NCALD: variants seen among roughly 807,000 people sequenced by gnomAD.
The protein encoded by NCALD is neurocalcin delta.
In NCALD, 10 loss-of-function variants were observed where a neutral mutation model predicts 18.6. The ratio of observed to expected loss-of-function variants is 0.54; its 90% CI spans 0.33 to 0.91. The LOEUF is 0.91. Among genes scored for constraint, NCALD ranks in the 40% least tolerant of loss-of-function variants. NCALD has a pLI of 0.03. For synonymous variants in NCALD, 88 were observed against 87.4 expected (o/e 1.01, Z -0.04); for missense variants, 184 against 247.6 (o/e 0.74, Z 1.72).
intron 2 of NCALD, among the ~76,000 whole-genome samples, chr8:102,008,172 C>T (rs993856537): frequency 1.3e-5 from 2 of 152,112 alleles, no homozygotes; most frequent in Non-Finnish European, 1.5e-5. Context: ...GGCCATTATT[C>T]TAGTCACTGA....
intron 4 of NCALD, among the ~76,000 whole-genome samples, chr8:101,844,244 G>A (rs1289797726): frequency 6.6e-6 from 1 of 152,140 alleles, no homozygotes; most frequent in Non-Finnish European, 1.5e-5. Context: ...ACTTTCCCTT[G>A]AGTTCCGATG....
At chr8:102,104,972 G>A (rs184599331) in intron 1 of NCALD, among the ~76,000 whole-genome samples, 7 of 152,188 alleles carry the variant, frequency 4.6e-5, no homozygotes, top group Non-Finnish European at 7.3e-5. Context: ...ATTGTTCAGC[G>A]AACAGATAAG....
At chr8:101,897,509 A>G (rs1462974443) in intron 3 of NCALD, among the ~76,000 whole-genome samples, 1 of 149,982 alleles carries the variant, frequency 6.7e-6, no homozygotes, top group Non-Finnish European at 1.5e-5. Flanking sequence ...TAAAACTTAA[A>G]GTATAATAAA....
chr8:102,124,508 C>G (rs748521111), upstream of NCALD: 66 of 142,652 alleles, frequency 4.6e-4, 2 homozygotes, highest in East Asian at 3.7e-3. Flanking sequence ...CCCCCCCCTC[C>G]CCCGCTTGCC....
chr8:101,765,461 T>C (rs1292351668), intron 1 of NCALD, among the ~76,000 whole-genome samples: 1 of 152,164 alleles, frequency 6.6e-6, no homozygotes, highest in East Asian at 1.9e-4. Context: ...AAACATCAGA[T>C]TAAACCAAGA....
intron 1 of NCALD, among the ~76,000 whole-genome samples, chr8:102,063,070 T>A (rs1403888360): frequency 6.6e-6 from 1 of 152,206 alleles, no homozygotes; most frequent in Non-Finnish European, 1.5e-5. Context: ...TGTAGTCTCA[T>A]ACCACTATAA....
intron 1 of NCALD, among the ~76,000 whole-genome samples, chr8:101,747,011 T>C (rs1267206887): frequency 6.6e-6 from 1 of 152,144 alleles, no homozygotes; most frequent in Non-Finnish European, 1.5e-5. Flanking sequence ...AATTATGCCA[T>C]CACCAACACT....
intron 4 of NCALD, among the ~76,000 whole-genome samples, chr8:101,822,354 C>T (rs750777097): frequency 5.3e-5 from 8 of 152,122 alleles, no homozygotes; most frequent in Non-Finnish European, 7.3e-5. Flanking sequence ...GCAGGTTCAT[C>T]CAGAACACAT....
chr8:102,018,618 C>T (rs1315494020), intron 2 of NCALD, among the ~76,000 whole-genome samples: 1 of 152,138 alleles, frequency 6.6e-6, no homozygotes, highest in Non-Finnish European at 1.5e-5. Context: ...AAGGTGCACA[C>T]TTTCAAGTGT....
intron 4 of NCALD, among the ~76,000 whole-genome samples, chr8:101,882,538 C>T (rs896633447): frequency 3.3e-5 from 5 of 152,038 alleles, no homozygotes; most frequent in Admixed American, 6.6e-5. Context: ...TATAAGCCAC[C>T]CAGTTTATGA....
chr8:101,799,037 T>G (rs4576401), intron 4 of NCALD, among the ~76,000 whole-genome samples: 1 of 152,106 alleles, frequency 6.6e-6, no homozygotes, highest in African/African-American at 2.4e-5. Flanking sequence ...GGGGAAATAT[T>G]TGCAAATCAA....
chr8:101,821,725 A>G (rs564677696), intron 4 of NCALD, among the ~76,000 whole-genome samples: 8 of 152,240 alleles, frequency 5.3e-5, no homozygotes, highest in African/African-American at 1.4e-4. Flanking sequence ...AAGAAATTCA[A>G]GCAAAGTCCT....
chr8:102,033,051 A>G (rs1822735981), intron 1 of NCALD, among the ~76,000 whole-genome samples: 1 of 152,188 alleles, frequency 6.6e-6, no homozygotes, highest in African/African-American at 2.4e-5. Flanking sequence ...GGAAATAAAC[A>G]TTTCCTGTGG....
At chr8:101,945,026 G>A (rs1161876259) in intron 2 of NCALD, among the ~76,000 whole-genome samples, 1 of 152,180 alleles carries the variant, frequency 6.6e-6, no homozygotes, top group Non-Finnish European at 1.5e-5. Flanking sequence ...AATGACAGCT[G>A]GCCTATCAGA....
chr8:101,898,787 T>G (rs1817308007), intron 3 of NCALD, among the ~76,000 whole-genome samples: 1 of 152,164 alleles, frequency 6.6e-6, no homozygotes, highest in African/African-American at 2.4e-5. Flanking sequence ...ACGATAGCTA[T>G]ACTAATTTTG....
At chr8:101,798,542 T>C (rs1417419755) in intron 4 of NCALD, among the ~76,000 whole-genome samples, 9 of 152,208 alleles carry the variant, frequency 5.9e-5, no homozygotes, top group Admixed American at 4.6e-4. Flanking sequence ...GCCATGTTTA[T>C]AGATTGAAAG....
intron 2 of NCALD, among the ~76,000 whole-genome samples, chr8:101,967,827 A>G (rs1017794057): frequency 6.7e-6 from 1 of 149,434 alleles, no homozygotes; most frequent in Non-Finnish European, 1.5e-5. Context: ...TTGTTGACAC[A>G]GCTCTTAAAA....
chr8:101,987,760 G>A (rs1820870284), intron 2 of NCALD, among the ~76,000 whole-genome samples: 1 of 151,972 alleles, frequency 6.6e-6, no homozygotes, highest in South Asian at 2.1e-4. Context: ...TTTCCATCAC[G>A]AGAAGTAATA....
intron 2 of NCALD, among the ~76,000 whole-genome samples, chr8:101,970,040 T>C (rs1040596955): frequency 5.9e-5 from 9 of 152,044 alleles, no homozygotes; most frequent in African/African-American, 2.2e-4. Context: ...ATAATAATAA[T>C]GAAGAGAAGG....
Sources: gnomAD v4.1 joint callset for allele counts (sites outside exome capture counted in the v4.1 genomes callset) on GRCh38, gnomAD v4.1.1 for gene constraint, MANE v1.5 for transcripts, NCBI Gene and HGNC (gene_info 2026-07-23, HGNC 2026-07-21) for gene names.